IFT20: variants seen among roughly 807,000 people sequenced by gnomAD.
IFT20 encodes intraflagellar transport 20, also known as intraflagellar transport protein 20 homolog.
A neutral mutation model predicts 16.9 loss-of-function variants in IFT20; 4 were observed. The ratio of observed to expected loss-of-function variants is 0.24; its 90% CI spans 0.12 to 0.54. The LOEUF is 0.54. IFT20 is among the 20% of genes least tolerant of loss of function. The probability of loss-of-function intolerance (pLI) is 0.95; values close to 1 mark genes in which losing one functional copy is unlikely to be tolerated. For synonymous variants in IFT20, 48 were observed against 49.9 expected (o/e 0.96, Z 0.16); for missense variants, 154 against 149.7 (o/e 1.03, Z -0.15).
intron 4 of IFT20, 189 bp from the exon 5 acceptor site, chr17:28,328,922 T>C: frequency 1.6e-6 from 1 of 626,722 alleles, no homozygotes; most frequent in Non-Finnish European, 2.8e-6. Context: ...AAAGTCTTCT[T>C]TCAGAGAGCC....
intron 4 of IFT20, 175 bp from the exon 5 acceptor site, chr17:28,328,908 TAGGAA>T: frequency 1.6e-6 from 1 of 631,946 alleles, no homozygotes; most frequent in African/African-American, 1.8e-5. Flanking sequence ...TCTCCAGCCC[TAGGAA>T]AGTCTTCTTT....
intron 4 of IFT20, 165 bp from the exon 5 acceptor site, chr17:28,328,898 T>G (rs1203853956): frequency 3.1e-6 from 2 of 639,732 alleles, no homozygotes; most frequent in Admixed American, 3.2e-5. Flanking sequence ...CCATGAGAAA[T>G]CTCCAGCCCT....
intron 4 of IFT20, 28 bp from the exon 5 acceptor site, chr17:28,328,761 G>GA (rs782443112): frequency 1.2e-5 from 16 of 1,360,684 alleles, no homozygotes; most frequent in Admixed American, 7.8e-5. Context: ...TAGAGGCCCT[G>GA]AAAAAAAGAT....
rs2142365693 is a variant in IFT20 at position 28,329,337 on chromosome 17, A to G, written c.214-61T>C. On this transcript the variant is annotated intron_variant, in intron 3 of 4. Coordinates refer to ENST00000395418, the MANE Select transcript of IFT20 (RefSeq NM_001267776.2). ...AAACCATCTACAGCATCAAGTCCTCAAAGTGGGGAGGGGTTATCTGGGAGC... is the reference window on the plus strand; with the variant it reads ...AAACCATCTACAGCATCAAGTCCTCGAAGTGGGGAGGGGTTATCTGGGAGC... 2.2e-6 allele frequency: 3 copies of G among 1,337,388 alleles called. No individual in the cohort carries two copies. The South Asian group carries it at 3.6e-5, about 16-fold the overall frequency. The allele number at this position is 1,337,388 out of a possible 1,614,324, so 82.8% of individuals were successfully genotyped here.
At position 28,328,703 on chromosome 17, in the gene IFT20, T is replaced by G; in HGVS notation, c.348A>C (p.Lys116Asn). Residue 116 changes from lysine (K) to asparagine (N), a missense_variant, in exon 5 of 5, where the codon AAA (lysine) becomes AAC (asparagine). By Grantham distance (94) the Lys-to-Asn change is moderately conservative. Coordinates refer to ENST00000395418, the MANE Select transcript of IFT20 (RefSeq NM_001267776.2). ...RYRVEYEALC[K>N]VEAEQNEFID... is the part of the protein sequence containing the mutation. ...TAAATTCATTTTGTTCTGCTTCTAC[T>G]TTACACAAAGCTTCATATTCAACCC... The G allele has an allele frequency of 6.2e-7, 1 of 1,603,642 alleles. No individual in the cohort carries two copies. The highest frequency in any genetic ancestry group is 8.5e-7 in the Non-Finnish European group (1 of 1,175,988).
chr17:28,332,268 C>T (rs781873189), intron 1 of IFT20: 13 of 1,472,586 alleles, frequency 8.8e-6, no homozygotes, highest in East Asian at 4.9e-5. Flanking sequence ...TTGTCACAGG[C>T]ATCGTTCATT....
chr17:28,335,074 TC>T (rs1282055639), intron 1 of IFT20, among the ~76,000 whole-genome samples: 1 of 152,156 alleles, frequency 6.6e-6, no homozygotes, highest in Non-Finnish European at 1.5e-5. Flanking sequence ...GCCCCGGCTC[TC>T]CCAGATGCAT....
At position 28,331,964 on chromosome 17, in the gene IFT20, C is replaced by CACTGGGTGA. The variant is rs1567781660; in HGVS notation, c.21_22insTCACCCAGT (p.Gly7_Glu8insSerProSer). On this transcript the variant is annotated inframe_insertion, in exon 2 of 5. Coordinates refer to ENST00000395418, the MANE Select transcript of IFT20 (RefSeq NM_001267776.2). ...AGTTCATCAAAGTGTAGCCCTGCTT[C>CACTGGGTGA]ACCCAGGATGTCCTTGGCCATGGCT... is the stretch of plus-strand genomic sequence containing the variant. 1 of 1,614,246 alleles carries CACTGGGTGA rather than the reference C, an allele frequency of 6.2e-7. No homozygotes were observed. Among genetic ancestry groups the CACTGGGTGA allele is most frequent in the Non-Finnish European group, 8.5e-7 (1 of 1,180,038 alleles).
At chr17:28,333,107 A>ACACACACACACACAC (rs1555576829) in intron 1 of IFT20, among the ~76,000 whole-genome samples, 4 of 150,936 alleles carry the variant, frequency 2.7e-5, no homozygotes, top group Non-Finnish European at 4.4e-5. Context: ...ACACACACAC[A>ACACACACACACACAC]ATTAAACATA....
At chr17:28,328,771 T>C (rs1277895714) in intron 4 of IFT20, 38 bp from the exon 5 acceptor site, 4 of 1,227,668 alleles carry the variant, frequency 3.3e-6, no homozygotes, top group South Asian at 1.3e-5. Flanking sequence ...GAAAAAAAGA[T>C]GAAGTAAACC....
chr17:28,332,341 T>A, intron 1 of IFT20: 1 of 813,650 alleles, frequency 1.2e-6, no homozygotes, highest in Non-Finnish European at 1.9e-6. Flanking sequence ...GGTACAAAGA[T>A]GAATGCAACA....
rs1906650929 is a variant in IFT20 at position 28,330,133 on chromosome 17, G to A, written c.213+310C>T. On this transcript the variant is annotated intron_variant, in intron 3 of 4. Transcript: ENST00000395418. The stretch of plus-strand genomic sequence containing the variant: ...CACCTGTAGTCCCACCTACTCGGGA[G>A]GGTGAGGTGGGAGAATCGCTTGAAT... The A allele has an allele frequency of 8.0e-6, 5 of 622,280 alleles. No individual in the cohort carries two copies. In the East Asian group the frequency reaches 8.4e-5, roughly 10 times the overall value. The allele number at this position is 622,280 out of a possible 1,614,324, so 38.5% of individuals were successfully genotyped here.
At chr17:28,332,280 A>G in intron 1 of IFT20, 1 of 1,424,768 alleles carries the variant, frequency 7.0e-7, no homozygotes, top group Non-Finnish European at 9.5e-7. Context: ...TCGTTCATTC[A>G]ACACACATTT....
At chr17:28,331,818 C>A (rs1906801986) in intron 2 of IFT20, 41 bp downstream of exon 2, 1 of 1,611,936 alleles carries the variant, frequency 6.2e-7, no homozygotes, top group Admixed American at 1.7e-5. Context: ...GTTGAAATGG[C>A]AGCTCAAAGC....
rs1906695855 is a variant in IFT20, at chr17:28,330,449, C to T, written c.207G>A (p.Lys69=). ...DQLAKEAENE[K]MKAIGARNLL... is the part of the protein sequence containing the mutation. ...GAAGACATGCTGATCTTACCTTCAT[C>T]TTTTCATTTTCTGCTTCTTTTGCAA... Residue 69 remains lysine (K), a synonymous_variant, in exon 3 of 5, where the codon AAG becomes AAA. Coordinates refer to ENST00000395418, the MANE Select transcript of IFT20 (RefSeq NM_001267776.2). 6.2e-7 allele frequency: 1 copy of T among 1,612,272 alleles called. No individual in the cohort carries two copies. The highest frequency in any genetic ancestry group is 1.1e-5 in the South Asian group (1 of 91,040).
chr17:28,332,330 G>A, intron 1 of IFT20: 1 of 910,952 alleles, frequency 1.1e-6, no homozygotes, highest in Non-Finnish European at 1.7e-6. Flanking sequence ...TAGATGCTGG[G>A]GGTACAAAGA....
chr17:28,329,560 A>G (rs548657056), intron 3 of IFT20: 187 of 355,148 alleles, frequency 5.3e-4, no homozygotes, highest in Non-Finnish European at 7.8e-4. Flanking sequence ...CCTTTCACCA[A>G]TCATACTATG....
At chr17:28,331,754 C>T in intron 2 of IFT20, 105 bp downstream of exon 2, 2 of 1,477,690 alleles carry the variant, frequency 1.4e-6, no homozygotes, top group Non-Finnish European at 1.9e-6. Flanking sequence ...CAGATTCAAC[C>T]TCCAGGGAGC....
intron 1 of IFT20, among the ~76,000 whole-genome samples, chr17:28,333,108 A>ACACACACACACACAC (rs1906907204): frequency 1.8e-5 from 1 of 55,726 alleles, no homozygotes; most frequent in African/African-American, 6.8e-5. Flanking sequence ...CACACACACA[A>ACACACACACACACAC]TTAAACATAG....
Sources: allele counts gnomAD v4.1 joint callset (sites outside exome capture counted in the v4.1 genomes callset), GRCh38; gene constraint gnomAD v4.1.1; transcripts MANE v1.5; gene names NCBI Gene and HGNC (gene_info 2026-07-23, HGNC 2026-07-21).